SLC8A2: variants seen among roughly 807,000 people sequenced by gnomAD.
SLC8A2 encodes the protein solute carrier family 8 member A2.
A neutral mutation model predicts 70.2 loss-of-function variants in SLC8A2; 14 were observed. The observed-to-expected ratio is 0.20, with a 90% CI of 0.13 to 0.31. The LOEUF is 0.31. Among genes scored for constraint, SLC8A2 ranks in the 10% least tolerant of loss-of-function variants. SLC8A2 has a pLI of 1.00. For missense variants in SLC8A2, 779 were observed against 1,320.1 expected, an observed-to-expected ratio of 0.59 and a Z score of 6.35; for synonymous variants, 575 against 594.3, an observed-to-expected ratio of 0.97 and a Z score of 0.47.
Position 47,468,477 on chromosome 19 carries a change from C to T in SLC8A2, c.-16-2058G>A, listed in dbSNP as rs1298170838. On this transcript the variant is annotated intron_variant, in intron 1 of 9. Coordinates refer to ENST00000236877, the MANE Select transcript of SLC8A2 (RefSeq NM_015063.3). The surrounding 1 kb of genome is among the most constrained non-coding windows in gnomAD (Gnocchi z 5.1). Reference sequence around the variant, plus strand: ...ATGCCCAGCTAATTTATTGTAGAGCCGGGAGTCTCTATGTTGCCCAGGCTG... The same window carrying T: ...ATGCCCAGCTAATTTATTGTAGAGCTGGGAGTCTCTATGTTGCCCAGGCTG... 3.9e-5 allele frequency among the ~76,000 whole-genome samples: 6 copies of T among 152,210 alleles called. No individual in the cohort carries two copies. Among genetic ancestry groups the T allele is most frequent in the South Asian group, 2.1e-4 (1 of 4,824 alleles).
intron 4 of SLC8A2, among the ~76,000 whole-genome samples, chr19:47,446,202 G>A (rs916708094): frequency 2.6e-5 from 4 of 151,818 alleles, no homozygotes; most frequent in African/African-American, 9.7e-5. Flanking sequence ...GCGCGTGGGC[G>A]GCACGGAGGA....
chr19:47,443,399 T>C (rs149192545), intron 4 of SLC8A2, among the ~76,000 whole-genome samples: 2,173 of 152,276 alleles, frequency 0.014, 75 homozygotes, highest in African/African-American at 0.05. Context: ...GCTTTGCCAC[T>C]GGCAACTCTT....
At position 47,457,157 on chromosome 19, in the gene SLC8A2, G is replaced by T; in HGVS notation, c.1113C>A (p.His371Gln). Residue 371 changes from histidine (H) to glutamine (Q), a missense_variant, in exon 3 of 10, where the codon CAC becomes CAA. This residue lies in a region of SLC8A2 where 186 missense variants were observed against 246.6 expected (regional missense o/e 0.75). Coordinates refer to ENST00000236877, the MANE Select transcript of SLC8A2 (RefSeq NM_015063.3). ...CCGCCCTGCGCGAGGCGTCCGCCGC[G>T]TGTCTGCGCAGCACGTTCCCGGCGC... ...MTGAGNVLRR[H>Q]AADASRRAAP... is the part of the protein sequence containing the mutation. The T allele has an allele frequency of 6.5e-7, 1 of 1,542,856 alleles. No homozygotes were observed. The highest frequency in any genetic ancestry group is 8.7e-7 in the Non-Finnish European group (1 of 1,144,172).
intron 2 of SLC8A2, among the ~76,000 whole-genome samples, chr19:47,458,518 A>G (rs1364079335): frequency 1.1e-5 from 1 of 89,100 alleles, no homozygotes; most frequent in East Asian, 3.4e-4. Context: ...TCTCCTCCTC[A>G]TTTCTCTCTC....
intron 4 of SLC8A2, among the ~76,000 whole-genome samples, chr19:47,442,906 C>T (rs1967115930): frequency 6.6e-6 from 1 of 152,124 alleles, no homozygotes; most frequent in Non-Finnish European, 1.5e-5. Flanking sequence ...TGGTCTTGAA[C>T]TCCTGCCCTC....
rs1473116101 is a variant in SLC8A2, at chr19:47,428,501, G to C, written c.*1588C>G. On this transcript the variant is annotated 3_prime_UTR_variant, in exon 10 of 10. Coordinates refer to ENST00000236877, the MANE Select transcript of SLC8A2 (RefSeq NM_015063.3). The stretch of plus-strand genomic sequence containing the variant: ...TGATGGGGGCGTGGCGAGTGGAAGA[G>C]CTTGGCGGCTGGACCCCGGCGCTGC... 1 of 152,392 alleles carries C rather than the reference G, an allele frequency of 6.6e-6. No individual in the cohort carries two copies. The highest frequency in any genetic ancestry group is 1.9e-4 in the East Asian group (1 of 5,204). The allele number at this position is 152,392 out of a possible 1,614,324, so 9.4% of individuals were successfully genotyped here.
At chr19:47,435,250 T>C (rs1967012190) in intron 8 of SLC8A2, among the ~76,000 whole-genome samples, 2 of 152,096 alleles carry the variant, frequency 1.3e-5, no homozygotes, top group African/African-American at 4.8e-5. Flanking sequence ...ACCGTTGTCA[T>C]AATCAGGATT....
chr19:47,454,818 G>C (rs1474878537), intron 3 of SLC8A2, among the ~76,000 whole-genome samples: 1 of 152,180 alleles, frequency 6.6e-6, no homozygotes, highest in Non-Finnish European at 1.5e-5. Context: ...AGGTGCGGTG[G>C]CTCACGCCTG....
At chr19:47,434,173 G>A (rs1052675639) in intron 8 of SLC8A2, among the ~76,000 whole-genome samples, 2 of 152,216 alleles carry the variant, frequency 1.3e-5, no homozygotes, top group Non-Finnish European at 2.9e-5. Context: ...GGGAGGCCAC[G>A]CTCTTTGGGA....
chr19:47,452,429 AGAGAGAGAGAGAGAG>A (rs1568444498), intron 3 of SLC8A2, among the ~76,000 whole-genome samples: 9 of 111,234 alleles, frequency 8.1e-5, no homozygotes, highest in Non-Finnish European at 1.6e-4. Context: ...AGAGAGAGAG[AGAGAGAGAGAGAGAG>A]AGTGTGTGTG....
In SLC8A2 at chr19:47,448,369, C is replaced by T. The variant is rs908071202; in HGVS notation, c.1341-138G>A. 5 of 650,292 alleles carry T rather than the reference C, an allele frequency of 7.7e-6. No homozygotes were observed. In the Admixed American group the frequency reaches 8.8e-5, roughly 11 times the overall value. 40.3% of individuals were successfully genotyped at this position (650,292 alleles called of 1,614,324 possible). A position where few individuals can be genotyped will look rare whatever the true frequency, so the allele number is the denominator to read the frequency against. On this transcript the variant is annotated intron_variant, in intron 3 of 9. Coordinates refer to ENST00000236877, the MANE Select transcript of SLC8A2 (RefSeq NM_015063.3). The surrounding 1 kb of genome is among the most constrained non-coding windows in gnomAD (Gnocchi z 4.8). The stretch of plus-strand genomic sequence containing the variant: ...ACTCCCAAGTATGAGGGTCGACAGG[C>T]ATTAAACAAGTAATACTGAGGGTGA...
chr19:47,431,958 T>C, intron 9 of SLC8A2: 1 of 456,596 alleles, frequency 2.2e-6, no homozygotes, highest in South Asian at 5.0e-5. Flanking sequence ...TGGGACCTTC[T>C]ACCTGGGTGC....
chr19:47,466,267 G>A lies in SLC8A2; in HGVS notation c.137C>T (p.Ser46Phe), dbSNP rs780833642. 1 of 1,576,938 alleles carries A rather than the reference G, an allele frequency of 6.3e-7. No individual in the cohort carries two copies. Among genetic ancestry groups the A allele is most frequent in the Non-Finnish European group, 8.6e-7 (1 of 1,159,348 alleles). ...CAGCACCCCCGGCTGGCAGCGGTAG[G>A]ACCCCTGGCAGCCCCCTGTGCTGGT... ...SDTSTGGCQG[S>F]YRCQPGVLLP... The change falls in exon 2 of 10, where the codon TCC becomes TTC. Residue 46 changes from serine (S) to phenylalanine (F), a missense_variant. Ser to Phe is a radical substitution (Grantham distance 155). Around this residue, in one of 6 missense-constraint regions of SLC8A2, gnomAD observed 155 missense variants for 318.6 expected, o/e 0.49. Transcript: ENST00000236877. This position sits in a 1 kb window ranked among gnomAD's most constrained non-coding sequence, Gnocchi z 6.9.
In SLC8A2 at chr19:47,465,880, A is replaced by C; in HGVS notation, c.524T>G (p.Val175Gly). The C allele has an allele frequency of 6.2e-7, 1 of 1,614,134 alleles. No homozygotes were observed. Among genetic ancestry groups the C allele is most frequent in the Non-Finnish European group, 8.5e-7 (1 of 1,180,032 alleles). The part of the protein sequence containing the change: ...IVGSAAFNMF[V>G]VIAVCIYVIP... ...GACGTAGATGCACACGGCGATGACC[A>C]CAAACATGTTGAAGGCAGCGCTGCC... The change falls in exon 2 of 10, where the codon GTG (valine) becomes GGG (glycine). Residue 175 changes from valine to glycine, a missense_variant. By Grantham distance (109) the Val-to-Gly change is moderately radical. Coordinates refer to ENST00000236877, the MANE Select transcript of SLC8A2 (RefSeq NM_015063.3). This position sits in a 1 kb window ranked among gnomAD's most constrained non-coding sequence, Gnocchi z 5.5.
intron 4 of SLC8A2, among the ~76,000 whole-genome samples, chr19:47,444,827 G>A (rs1054637133): frequency 2.0e-5 from 3 of 152,088 alleles, no homozygotes; most frequent in African/African-American, 7.2e-5. Context: ...TCCCCAGCCT[G>A]CCCCCTTGTT....
At chr19:47,458,112 A>G (rs1227215272) in intron 2 of SLC8A2, among the ~76,000 whole-genome samples, 2 of 151,774 alleles carry the variant, frequency 1.3e-5, no homozygotes, top group East Asian at 1.9e-4. Context: ...TCGAGCTCCC[A>G]AAGTGCTGGG....
chr19:47,435,069 CATG>C (rs1418038973), intron 8 of SLC8A2, among the ~76,000 whole-genome samples: 1 of 151,966 alleles, frequency 6.6e-6, no homozygotes, highest in South Asian at 2.1e-4. Flanking sequence ...CTTAGCCAGA[CATG>C]GTGGTGGGTG....
Position 47,430,867 on chromosome 19 carries a change from A to C in SLC8A2, c.2390-402T>G, listed in dbSNP as rs1966948710. Among the ~76,000 whole-genome samples the C allele has an allele frequency of 6.6e-6, 1 of 151,726 alleles. No individual in the cohort carries two copies. ...GGAGCCTCTGAGTAGCTGGGATTAC[A>C]GGCGCCCACCACGCCCTGCTAAGAT... On this transcript the variant is annotated intron_variant, in intron 9 of 9. Transcript: ENST00000236877. The surrounding 1 kb of genome is among the most constrained non-coding windows in gnomAD (Gnocchi z 5.9).
chr19:47,458,131 C>G (rs1967337947), intron 2 of SLC8A2, among the ~76,000 whole-genome samples: 1 of 152,058 alleles, frequency 6.6e-6, no homozygotes, highest in South Asian at 2.1e-4. Flanking sequence ...GGATTACAGG[C>G]GTGAGCCCTG....
Sources: gnomAD v4.1 joint callset for allele counts (sites outside exome capture counted in the v4.1 genomes callset) on GRCh38, gnomAD v4.1.1 for gene constraint, gnomAD v4.1.1 regional missense constraint, Gnocchi (gnomAD v3.1) non-coding constraint, MANE v1.5 for transcripts, NCBI Gene and HGNC (gene_info 2026-07-23, HGNC 2026-07-21) for gene names.